VPS8: variants seen among roughly 807,000 people sequenced by gnomAD.
The protein encoded by VPS8 is VPS8 subunit of CORVET complex, also known as vacuolar protein sorting-associated protein 8 homolog.
VPS8 carries 129 observed loss-of-function variants against 216.4 expected under a neutral mutation model. The observed-to-expected ratio is 0.60, with a 90% CI of 0.52 to 0.69. The LOEUF (loss-of-function observed/expected upper bound fraction) is 0.69, where lower values mean the gene tolerates loss of function less well. Ranked by LOEUF, VPS8 falls within the 30% of genes least tolerant of loss-of-function variation. The pLI is 0.00. For missense variants in VPS8, 1,531 were observed against 1,683.5 expected, an observed-to-expected ratio of 0.91 and a Z score of 1.59; for synonymous variants, 571 against 565.4, an observed-to-expected ratio of 1.01 and a Z score of -0.14.
At position 184,824,713 on chromosome 3, in the gene VPS8, C is replaced by G. The variant is rs368981400; in HGVS notation, c.81C>G (p.Phe27Leu). 6.2e-7 allele frequency: 1 copy of G among 1,613,820 alleles called. No individual in the cohort carries two copies. The highest frequency in any genetic ancestry group is 1.1e-5 in the South Asian group (1 of 91,066). The change falls in exon 2 of 48, where the codon TTC becomes TTG. Residue 27 changes from phenylalanine to leucine, a missense_variant. This residue lies in a region of VPS8 where 199 missense variants were observed against 182.2 expected (regional missense o/e 1.09). Transcript: ENST00000625842. ...GCGAAGAAGAGCTGAATAAGTCTTT[C>G]AATCTAGAAGCTTCACTTTCAAAAT... ...KTSEEELNKS[F>L]NLEASLSKFS...
intron 6 of VPS8, chr3:184,839,021 T>TAAGGA: frequency 3.3e-6 from 1 of 304,128 alleles, no homozygotes; most frequent in Non-Finnish European, 6.0e-6. Context: ...CCTGCCCAAG[T>TAAGGA]AAATTTGCTT....
intron 15 of VPS8, among the ~76,000 whole-genome samples, chr3:184,860,984 G>A (rs967599663): frequency 6.6e-6 from 1 of 151,796 alleles, no homozygotes; most frequent in East Asian, 1.9e-4. Flanking sequence ...CATCACGCCT[G>A]GCTAATTTTT....
intron 45 of VPS8, among the ~76,000 whole-genome samples, chr3:185,001,131 A>G (rs553368774): frequency 4.6e-5 from 7 of 152,332 alleles, no homozygotes; most frequent in African/African-American, 1.7e-4. Context: ...TTCAGAGTAT[A>G]CAGTCAACAA....
At chr3:184,977,846 A>G (rs1176374864) in intron 40 of VPS8, among the ~76,000 whole-genome samples, 1 of 130,476 alleles carries the variant, frequency 7.7e-6, no homozygotes, top group African/African-American at 2.9e-5. Context: ...CTTTGCATGT[A>G]TGTTCATCAG....
At chr3:184,990,927 T>G (rs1047574636) in intron 42 of VPS8, among the ~76,000 whole-genome samples, 1 of 3,892 alleles carries the variant, frequency 2.6e-4, no homozygotes, top group Non-Finnish European at 0.02. Context: ...ATTACACCGT[T>G]TTTTTTTTTT....
intron 28 of VPS8, among the ~76,000 whole-genome samples, chr3:184,917,659 G>A (rs911047930): frequency 1.3e-5 from 2 of 152,178 alleles, no homozygotes; most frequent in African/African-American, 4.8e-5. Flanking sequence ...GCCCACCTTG[G>A]CCTCCCAAAG....
chr3:184,896,511 G>A (rs1309606661), intron 23 of VPS8, among the ~76,000 whole-genome samples: 1 of 152,052 alleles, frequency 6.6e-6, no homozygotes, highest in African/African-American at 2.4e-5. Context: ...TGTCTAGGTT[G>A]CTATTTTCAT....
intron 23 of VPS8, among the ~76,000 whole-genome samples, chr3:184,897,687 C>T (rs1427209291): frequency 6.6e-6 from 1 of 152,012 alleles, no homozygotes; most frequent in South Asian, 2.1e-4. Flanking sequence ...TCTCCCAGCA[C>T]ATCTCACTTC....
At chr3:184,931,720 A>G (rs945701116) in intron 34 of VPS8, among the ~76,000 whole-genome samples, 1 of 152,196 alleles carries the variant, frequency 6.6e-6, no homozygotes, top group Admixed American at 6.5e-5. Context: ...TCTGCTAACA[A>G]CAAGATGAAT....
At chr3:185,029,561 A>G (rs1472161928) in intron 46 of VPS8, among the ~76,000 whole-genome samples, 1 of 150,690 alleles carries the variant, frequency 6.6e-6, no homozygotes, top group Non-Finnish European at 1.5e-5. Flanking sequence ...ATTCCACAAC[A>G]TGTATCTTTT....
chr3:185,033,187 A>G (rs1031055696), intron 46 of VPS8, among the ~76,000 whole-genome samples: 1 of 152,170 alleles, frequency 6.6e-6, no homozygotes, highest in Admixed American at 6.5e-5. Context: ...TCTGTTGTAT[A>G]TTCTGTGAGT....
chr3:184,984,995 A>C (rs1307366884), intron 42 of VPS8, among the ~76,000 whole-genome samples: 1 of 152,188 alleles, frequency 6.6e-6, no homozygotes, highest in Admixed American at 6.5e-5. Context: ...CATTCATTAT[A>C]ATTTTTTCTT....
chr3:184,981,578 C>T (rs1750219439), intron 40 of VPS8, among the ~76,000 whole-genome samples: 1 of 151,884 alleles, frequency 6.6e-6, no homozygotes, highest in African/African-American at 2.4e-5. Flanking sequence ...GGATTACAGG[C>T]ACCTGCCACC....
chr3:185,046,603 C>G (rs1487763606), intron 46 of VPS8, among the ~76,000 whole-genome samples: 1 of 152,080 alleles, frequency 6.6e-6, no homozygotes, highest in Non-Finnish European at 1.5e-5. Context: ...ATTGTTCTTT[C>G]TAGGGGGACA....
At chr3:184,888,387 A>T (rs1008359715) in intron 22 of VPS8, among the ~76,000 whole-genome samples, 4 of 152,232 alleles carry the variant, frequency 2.6e-5, no homozygotes, top group Non-Finnish European at 4.4e-5. Flanking sequence ...TGTCTCTTGA[A>T]TAGCTAGTTG....
chr3:184,927,361 T>C (rs1436198493), intron 31 of VPS8, among the ~76,000 whole-genome samples: 1 of 152,084 alleles, frequency 6.6e-6, no homozygotes, highest in African/African-American at 2.4e-5. Flanking sequence ...AGCTGGGAAG[T>C]TGAGACTATC....
chr3:184,820,991 A>T (rs1416230969), intron 1 of VPS8, among the ~76,000 whole-genome samples: 1 of 152,254 alleles, frequency 6.6e-6, no homozygotes, highest in Admixed American at 6.5e-5. Flanking sequence ...TGATATGCTT[A>T]GCACTGGCTA....
intron 47 of VPS8, among the ~76,000 whole-genome samples, chr3:185,049,436 G>A (rs11708808): frequency 0.23 from 34,650 of 151,968 alleles, 5,234 homozygotes; most frequent in East Asian, 0.52. Flanking sequence ...CCTGCCACCT[G>A]ACTGGGGACA....
At chr3:184,898,532 T>C (rs758480163) in intron 23 of VPS8, 33 bp from the exon 24 acceptor site, 6 of 1,485,828 alleles carry the variant, frequency 4.0e-6, no homozygotes, top group South Asian at 1.2e-5. Flanking sequence ...GGTGACTGAA[T>C]TGTATGGACC....
Sources: gnomAD v4.1 joint callset for allele counts (sites outside exome capture counted in the v4.1 genomes callset) on GRCh38, gnomAD v4.1.1 for gene constraint, gnomAD v4.1.1 regional missense constraint, MANE v1.5 for transcripts, NCBI Gene and HGNC (gene_info 2026-07-23, HGNC 2026-07-21) for gene names.